The following B3GAT2 variants were observed in gnomAD, a reference collection of about 807,000 sequenced individuals.
B3GAT2 encodes galactosylgalactosylxylosylprotein 3-beta-glucuronosyltransferase 2.
A neutral mutation model predicts 27.8 loss-of-function variants in B3GAT2; 26 were observed. The ratio of observed to expected loss-of-function variants is 0.93; its 90% CI spans 0.68 to 1.30. The LOEUF (loss-of-function observed/expected upper bound fraction) is 1.30, where lower values mean the gene tolerates loss of function less well. Among genes scored for constraint, B3GAT2 ranks in the 50% most tolerant of loss-of-function variants. The probability of loss-of-function intolerance (pLI) is 0.00; values close to 1 mark genes in which losing one functional copy is unlikely to be tolerated. For synonymous variants in B3GAT2, 218 were observed against 195.1 expected (o/e 1.12, Z -0.98); for missense variants, 458 against 459.0 (o/e 1.00, Z 0.02).
intron 2 of B3GAT2, among the ~76,000 whole-genome samples, chr6:70,862,230 G>C (rs898343998): frequency 6.6e-6 from 1 of 152,122 alleles, no homozygotes; most frequent in African/African-American, 2.4e-5. Context: ...AGTTTAGTCT[G>C]TTGATAATAA....
Position 70,928,702 on chromosome 6 carries a change from C to T in B3GAT2, c.591+27137G>A, listed in dbSNP as rs573068670. 3.9e-4 allele frequency among the ~76,000 whole-genome samples: 59 copies of T among 152,218 alleles called. 1 individual carries two copies. In the South Asian group the frequency reaches 0.012, roughly 32 times the overall value. ...AATTGAGGCAATAATTAATAGTGTA[C>T]CAAGCAAGAAAAGCCACAGACCAGA... On this transcript the variant is annotated intron_variant, in intron 1 of 3. Transcript: ENST00000230053.
intron 1 of B3GAT2, among the ~76,000 whole-genome samples, chr6:70,935,232 A>C (rs140964853): frequency 8.5e-4 from 130 of 152,186 alleles, no homozygotes; most frequent in African/African-American, 3.0e-3. Flanking sequence ...GACTGCTTGA[A>C]GCCAGGAGCT....
chr6:70,901,570 G>C (rs112142968), intron 1 of B3GAT2, among the ~76,000 whole-genome samples: 1 of 152,226 alleles, frequency 6.6e-6, no homozygotes, highest in Admixed American at 6.5e-5. Flanking sequence ...ATAAATAATG[G>C]TGAATTTGTG....
At chr6:70,936,644 T>C (rs1387533023) in intron 1 of B3GAT2, among the ~76,000 whole-genome samples, 1 of 152,068 alleles carries the variant, frequency 6.6e-6, no homozygotes, top group African/African-American at 2.4e-5. Flanking sequence ...AACCTGCTCC[T>C]GAATGACTAC....
At chr6:70,862,020 G>A (rs566843377) in intron 2 of B3GAT2, 42 bp from the exon 3 acceptor site, 5 of 1,525,378 alleles carry the variant, frequency 3.3e-6, no homozygotes, top group African/African-American at 1.4e-5. Flanking sequence ...TTAAAATCCT[G>A]GTGTACTTCT....
intron 1 of B3GAT2, among the ~76,000 whole-genome samples, chr6:70,955,419 C>A (rs1301764580): frequency 6.7e-6 from 1 of 148,244 alleles, no homozygotes; most frequent in Non-Finnish European, 1.5e-5. Flanking sequence ...TCCCCACCAC[C>A]CCCACCCCTC....
Position 70,910,808 on chromosome 6 carries a change from C to T in B3GAT2, c.592-16536G>A, listed in dbSNP as rs190127369. Among the ~76,000 whole-genome samples, 191 of 152,274 alleles carry T rather than the reference C, an allele frequency of 1.3e-3. 1 individual carries two copies. The highest frequency in any genetic ancestry group is 2.1e-3 in the Non-Finnish European group (142 of 68,020). On this transcript the variant is annotated intron_variant, in intron 1 of 3. Coordinates refer to ENST00000230053, the MANE Select transcript of B3GAT2 (RefSeq NM_080742.3). ...TTTCCACCAGCAGCGTATAGGCATT[C>T]CCTTTTCTCCATAACCTCGTCAACA...
intron 1 of B3GAT2, among the ~76,000 whole-genome samples, chr6:70,950,867 T>A (rs1413776161): frequency 2.0e-5 from 3 of 152,226 alleles, no homozygotes; most frequent in Non-Finnish European, 2.9e-5. Context: ...TTATGTCAAC[T>A]ATATTTTGCT....
intron 1 of B3GAT2, among the ~76,000 whole-genome samples, chr6:70,943,846 T>A (rs1765432569): frequency 6.6e-6 from 1 of 152,034 alleles, no homozygotes; most frequent in Non-Finnish European, 1.5e-5. Flanking sequence ...GATACAAAAT[T>A]TCAGTTAGAA....
At chr6:70,882,419 T>C (rs1042679196) in intron 2 of B3GAT2, among the ~76,000 whole-genome samples, 2 of 152,032 alleles carry the variant, frequency 1.3e-5, no homozygotes, top group Non-Finnish European at 2.9e-5. Context: ...GAGAAAAGTG[T>C]GAACCCGGGA....
chr6:70,870,471 G>T (rs1294680457), intron 2 of B3GAT2, among the ~76,000 whole-genome samples: 1 of 149,258 alleles, frequency 6.7e-6, no homozygotes, highest in Non-Finnish European at 1.5e-5. Flanking sequence ...CAGCACACCA[G>T]CATGGCACAT....
intron 2 of B3GAT2, among the ~76,000 whole-genome samples, chr6:70,881,647 G>A (rs1373039768): frequency 6.6e-6 from 1 of 152,164 alleles, no homozygotes; most frequent in Non-Finnish European, 1.5e-5. Flanking sequence ...AAGTCAGGCA[G>A]AACCAGGAGC....
chr6:70,871,112 T>C (rs1771927434), intron 2 of B3GAT2, among the ~76,000 whole-genome samples: 1 of 152,002 alleles, frequency 6.6e-6, no homozygotes, highest in South Asian at 2.1e-4. Context: ...CTGCTCATGG[T>C]GTATAATCCT....
At chr6:70,886,640 C>T (rs1228378268) in intron 2 of B3GAT2, among the ~76,000 whole-genome samples, 1 of 152,102 alleles carries the variant, frequency 6.6e-6, no homozygotes, top group Non-Finnish European at 1.5e-5. Flanking sequence ...ACCCCACTAC[C>T]AGCTGCTCCA....
chr6:70,859,571 T>C lies in B3GAT2; in HGVS notation c.*2092A>G, dbSNP rs1396862512. On this transcript the variant is annotated 3_prime_UTR_variant, in exon 4 of 4. Transcript: ENST00000230053. ...GTAAGTTTTAAACCCACTCACTATATGGTAAATCTTGCCTTTCCTTCTCTT... is the reference window on the plus strand; with the variant it reads ...GTAAGTTTTAAACCCACTCACTATACGGTAAATCTTGCCTTTCCTTCTCTT... 2 of 473,630 alleles carry C rather than the reference T, an allele frequency of 4.2e-6. No individual in the cohort carries two copies. Among genetic ancestry groups the C allele is most frequent in the African/African-American group, 4.0e-5 (2 of 50,424 alleles). 29.3% of individuals were successfully genotyped at this position (473,630 alleles called of 1,614,324 possible). A position where few individuals can be genotyped will look rare whatever the true frequency, so the allele number is the denominator to read the frequency against.
chr6:70,948,889 C>T (rs1031432942), intron 1 of B3GAT2, among the ~76,000 whole-genome samples: 3 of 152,100 alleles, frequency 2.0e-5, no homozygotes, highest in African/African-American at 7.2e-5. Context: ...AGAACAGAGC[C>T]CTCAGAAATA....
intron 2 of B3GAT2, among the ~76,000 whole-genome samples, chr6:70,881,447 T>C (rs543894902): frequency 6.6e-6 from 1 of 152,324 alleles, no homozygotes; most frequent in South Asian, 2.1e-4. Flanking sequence ...CTGAACAGCA[T>C]TGATGGCTTG....
rs1478929891 is a variant in B3GAT2, at chr6:70,859,662, C to A, written c.*2001G>T. The A allele has an allele frequency of 3.9e-6, 1 of 258,848 alleles. No individual in the cohort carries two copies. Among genetic ancestry groups the A allele is most frequent in the Admixed American group, 5.1e-5 (1 of 19,470 alleles). 16.0% of individuals were successfully genotyped at this position (258,848 alleles called of 1,614,324 possible). A position where few individuals can be genotyped will look rare whatever the true frequency, so the allele number is the denominator to read the frequency against. On this transcript the variant is annotated 3_prime_UTR_variant, in exon 4 of 4. Coordinates refer to ENST00000230053, the MANE Select transcript of B3GAT2 (RefSeq NM_080742.3). ...GCTTATATATATATATATTTGACTC[C>A]AGTCTTGAAGAAAAATACATGTAAT...
intron 1 of B3GAT2, among the ~76,000 whole-genome samples, chr6:70,904,928 T>TA (rs551612288): frequency 1.5e-4 from 23 of 151,078 alleles, no homozygotes; most frequent in African/African-American, 4.9e-4. Flanking sequence ...GGCATCACCA[T>TA]AAAAAAAAAT....
Sources: gnomAD v4.1 joint callset for allele counts (sites outside exome capture counted in the v4.1 genomes callset) on GRCh38, gnomAD v4.1.1 for gene constraint, MANE v1.5 for transcripts, NCBI Gene and HGNC (gene_info 2026-07-23, HGNC 2026-07-21) for gene names.